The following PFKFB3 variants were observed in gnomAD, a reference collection of about 807,000 sequenced individuals.
PFKFB3 encodes 6-phosphofructo-2-kinase/fructose-2,6-bisphosphatase 3.
In PFKFB3, 33 loss-of-function variants were observed where a neutral mutation model predicts 68.0. That is an observed-to-expected ratio of 0.49 (90% CI 0.37 to 0.65). The LOEUF is 0.65. PFKFB3 is among the 30% of genes least tolerant of loss of function. PFKFB3 has a pLI of 0.00. For synonymous variants in PFKFB3, 315 were observed against 288.2 expected, an observed-to-expected ratio of 1.09 and a Z score of -0.94; for missense variants, 586 against 712.2, an observed-to-expected ratio of 0.82 and a Z score of 2.02.
intron 1 of PFKFB3, among the ~76,000 whole-genome samples, chr10:6,185,639 C>CTTTTTT (rs59230234): frequency 2.5e-5 from 3 of 120,510 alleles, no homozygotes; most frequent in Non-Finnish European, 3.3e-5. Context: ...CTCCCCGCTC[C>CTTTTTT]TTTTTTTTTT....
the PFKFB3 span, among the ~76,000 whole-genome samples, chr10:6,260,408 C>T: frequency 1.0e-3 from 82 of 81,784 alleles, no homozygotes; most frequent in East Asian, 0.012. Context: ...AGCGAGACTC[C>T]GTCTCAAAAA....
chr10:6,146,466 G>T, intron 1 of PFKFB3: 1 of 1,535,682 alleles, frequency 6.5e-7, no homozygotes, highest in Non-Finnish European at 8.7e-7. Flanking sequence ...TAGTCCCAAG[G>T]CCACTGTCTT....
At chr10:6,231,470 C>G (rs901046073) in intron 14 of PFKFB3, 3 of 985,344 alleles carry the variant, frequency 3.0e-6, no homozygotes, top group East Asian at 1.1e-4. Flanking sequence ...TAGTCTGTCT[C>G]TCACCCCCCA....
intron 1 of PFKFB3, among the ~76,000 whole-genome samples, chr10:6,207,765 A>AC (rs1394693689): frequency 6.6e-6 from 1 of 152,254 alleles, no homozygotes; most frequent in Non-Finnish European, 1.5e-5. Flanking sequence ...AATGCTTCTT[A>AC]CAAAACCTGT....
chr10:6,216,269 G>T (rs1002415846), intron 4 of PFKFB3, 78 bp downstream of exon 4: 4 of 1,334,884 alleles, frequency 3.0e-6, no homozygotes, highest in Non-Finnish European at 4.3e-6. Context: ...GGTGTACCGA[G>T]ACCTGTGCCT....
the PFKFB3 span, among the ~76,000 whole-genome samples, chr10:6,261,005 C>A: frequency 1.3e-5 from 2 of 152,210 alleles, no homozygotes; most frequent in East Asian, 3.8e-4. Context: ...TATCTTCCCA[C>A]CTGTAGTGGA....
chr10:6,209,922 G>A (rs1486582001), intron 1 of PFKFB3, among the ~76,000 whole-genome samples: 1 of 151,900 alleles, frequency 6.6e-6, no homozygotes, highest in Non-Finnish European at 1.5e-5. Context: ...CTGCCATCAC[G>A]CCTGGCTAAT....
intron 14 of PFKFB3, chr10:6,231,437 C>T: frequency 2.6e-5 from 40 of 1,530,168 alleles, no homozygotes; most frequent in Non-Finnish European, 3.5e-5. Context: ...TTAAGTGCAA[C>T]ACCATTGTCG....
intron 1 of PFKFB3, among the ~76,000 whole-genome samples, chr10:6,149,456 G>C (rs1050525850): frequency 6.6e-6 from 1 of 151,792 alleles, no homozygotes; most frequent in Non-Finnish European, 1.5e-5. Context: ...GGGTGGGGGT[G>C]GGCGCCTGTA....
intron 1 of PFKFB3, among the ~76,000 whole-genome samples, chr10:6,182,969 C>T (rs928767713): frequency 6.6e-6 from 1 of 152,168 alleles, no homozygotes; most frequent in African/African-American, 2.4e-5. Flanking sequence ...AGGTTGAGAA[C>T]ATGGATGGGG....
At chr10:6,256,439 G>A (rs1160956802), downstream of PFKFB3, among the ~76,000 whole-genome samples, 1 of 152,164 alleles carries the variant, frequency 6.6e-6, no homozygotes, top group Admixed American at 6.5e-5. Flanking sequence ...GTACCCGGAG[G>A]GGACGAGGCT....
At chr10:6,325,544 A>G in the PFKFB3 span, among the ~76,000 whole-genome samples, 4 of 152,230 alleles carry the variant, frequency 2.6e-5, no homozygotes, top group African/African-American at 9.6e-5. Context: ...TATTTTGATA[A>G]CCAAGAATAC....
rs1844472928 is a variant in PFKFB3 at position 6,215,096 on chromosome 10, A to G, written c.203-125A>G. 3 of 745,276 alleles carry G rather than the reference A, an allele frequency of 4.0e-6. No individual in the cohort carries two copies. Among genetic ancestry groups the G allele is most frequent in the Admixed American group, 2.1e-5 (1 of 46,810 alleles). The allele number at this position is 745,276 out of a possible 1,614,324, so 46.2% of individuals were successfully genotyped here. ...GACTGGGCGCCGGCATTGCTTCCAC[A>G]CCATCTCATTCAAGTCGGTGTGGTT... is the stretch of plus-strand genomic sequence containing the variant. On this transcript the variant is annotated intron_variant, in intron 2 of 14. Coordinates refer to ENST00000379775, the MANE Select transcript of PFKFB3 (RefSeq NM_004566.4). The surrounding 1 kb of genome is among the most constrained non-coding windows in gnomAD (Gnocchi z 4.3).
rs750318120 is a variant in PFKFB3, at chr10:6,232,982, C to T, written c.*40C>T. ...TTCCATTCCATTTCCATTTCTGCAG[C>T]TTAGCTTGTGTCCTGCCCTCCGCCC... On this transcript the variant is annotated 3_prime_UTR_variant, in exon 15 of 15. Coordinates refer to ENST00000379775, the MANE Select transcript of PFKFB3 (RefSeq NM_004566.4). 17 of 1,549,676 alleles carry T rather than the reference C, an allele frequency of 1.1e-5. No homozygotes were observed. The highest frequency in any genetic ancestry group is 1.3e-5 in the Non-Finnish European group (15 of 1,121,680).
the PFKFB3 span, among the ~76,000 whole-genome samples, chr10:6,312,866 C>G: frequency 6.6e-6 from 1 of 152,176 alleles, no homozygotes; most frequent in Admixed American, 6.5e-5. Flanking sequence ...ATAGTGAGAG[C>G]TGCATACTCT....
intron 1 of PFKFB3, among the ~76,000 whole-genome samples, chr10:6,155,290 C>T (rs1841740760): frequency 1.3e-5 from 2 of 150,086 alleles, no homozygotes; most frequent in Non-Finnish European, 3.0e-5. Context: ...GCAAGCTCCG[C>T]CTCCCGGGTT....
downstream of PFKFB3, among the ~76,000 whole-genome samples, chr10:6,256,246 A>C (rs553385785): frequency 7.2e-5 from 11 of 152,288 alleles, no homozygotes; most frequent in African/African-American, 2.4e-4. Context: ...GGCTTGATGT[A>C]GTACTCCTAA....
At chr10:6,177,397 T>TTTCTTTCTTTC (rs1842519117) in intron 1 of PFKFB3, among the ~76,000 whole-genome samples, 2 of 144,394 alleles carry the variant, frequency 1.4e-5, no homozygotes, top group South Asian at 4.4e-4. Flanking sequence ...TCTTTCTTTC[T>TTTCTTTCTTTC]TTCTTTCTTT....
In PFKFB3 at chr10:6,174,190, G is replaced by A. The variant is rs538108904; in HGVS notation, c.16+29177G>A. Among the ~76,000 whole-genome samples the A allele has an allele frequency of 8.5e-5, 13 of 152,182 alleles. No homozygotes were observed. In the South Asian group the frequency reaches 2.1e-3, roughly 24 times the overall value. ...TTAGTCTCCTCTTCTGTAAAGTAAC[G>A]GGCTTGGATCTCTTGTTATTTGTTC... On this transcript the variant is annotated intron_variant, in intron 1 of 14. Transcript: ENST00000379789.
Sources: gnomAD v4.1 joint callset for allele counts (sites outside exome capture counted in the v4.1 genomes callset) on GRCh38, gnomAD v4.1.1 for gene constraint, Gnocchi (gnomAD v3.1) non-coding constraint, MANE v1.5 for transcripts, NCBI Gene and HGNC (gene_info 2026-07-23, HGNC 2026-07-21) for gene names.